DZIP1: variants seen among roughly 807,000 people sequenced by gnomAD.
DZIP1 encodes DAZ interacting zinc finger protein 1.
A neutral mutation model predicts 107.6 loss-of-function variants in DZIP1; 97 were observed. That is an observed-to-expected ratio of 0.90 (90% CI 0.77 to 1.07). The LOEUF (loss-of-function observed/expected upper bound fraction) is 1.07. Ranked by LOEUF, DZIP1 falls within the 50% of genes least tolerant of loss-of-function variation. DZIP1 has a pLI of 0.00. For missense variants in DZIP1, 1,035 were observed against 1,063.6 expected, an observed-to-expected ratio of 0.97 and a Z score of 0.37; for synonymous variants, 390 against 386.4, an observed-to-expected ratio of 1.01 and a Z score of -0.11.
In DZIP1 at chr13:95,609,555, C is replaced by T. The variant is rs376402358; in HGVS notation, c.1364-42G>A. 1.5e-5 allele frequency: 22 copies of T among 1,488,126 alleles called. No homozygotes were observed. In the East Asian group the frequency reaches 3.8e-4, roughly 26 times the overall value. 92.2% of individuals were successfully genotyped at this position (1,488,126 alleles called of 1,614,324 possible). ...ATAAATGAACAAAAAACATCACAAG[C>T]TATGGATTAAATTTTTGTAGCCCTT... On this transcript the variant is annotated intron_variant, in intron 12 of 22. Coordinates refer to ENST00000376829, the MANE Select transcript of DZIP1 (RefSeq NM_198968.4).
intron 16 of DZIP1, 38 bp from the exon 17 acceptor site, chr13:95,590,479 G>A (rs994922755): frequency 1.3e-6 from 2 of 1,569,122 alleles, no homozygotes; most frequent in Admixed American, 1.9e-5. Flanking sequence ...AGTTATCCTG[G>A]GAGGTTTCAT....
chr13:95,629,135 T>TG (rs1000282209), intron 7 of DZIP1, among the ~76,000 whole-genome samples: 1 of 152,202 alleles, frequency 6.6e-6, no homozygotes, highest in African/African-American at 2.4e-5. Flanking sequence ...GCTGTCCCCA[T>TG]GGGGGAAACA....
chr13:95,630,751 T>C (rs756345415), intron 6 of DZIP1: 99 of 1,284,406 alleles, frequency 7.7e-5, no homozygotes, highest in Non-Finnish European at 9.6e-5. Context: ...TGTACATGTG[T>C]CTGTGAGTGT....
At position 95,641,645 on chromosome 13, in the gene DZIP1, C is replaced by T; in HGVS notation, c.247G>A (p.Ala83Thr). 1 of 1,609,692 alleles carries T rather than the reference C, an allele frequency of 6.2e-7. No homozygotes were observed. The highest frequency in any genetic ancestry group is 8.5e-7 in the Non-Finnish European group (1 of 1,180,012). Reference sequence around the variant, plus strand: ...TCCTGCAGCGTCAGCACGTCCACAGCCCCCGCCACCTTGTCCACGTCGATG... The same window carrying T: ...TCCTGCAGCGTCAGCACGTCCACAGTCCCCGCCACCTTGTCCACGTCGATG... ...SAIDVDKVAG[A>T]VDVLTLQENI... Residue 83 changes from alanine to threonine, a missense_variant, in exon 5 of 23, where the codon GCT (alanine) becomes ACT (threonine). Coordinates refer to ENST00000376829, the MANE Select transcript of DZIP1 (RefSeq NM_198968.4). The surrounding 1 kb of genome is among the most constrained non-coding windows in gnomAD (Gnocchi z 4.3).
chr13:95,604,821 C>T (rs567744889), intron 14 of DZIP1, among the ~76,000 whole-genome samples: 15 of 152,136 alleles, frequency 9.9e-5, no homozygotes, highest in Admixed American at 2.0e-4. Flanking sequence ...TACAAAGGGA[C>T]GCAACAGAGA....
At chr13:95,640,458 C>T (rs1226141861) in intron 5 of DZIP1, among the ~76,000 whole-genome samples, 1 of 152,056 alleles carries the variant, frequency 6.6e-6, no homozygotes, top group Non-Finnish European at 1.5e-5. Context: ...CATAGTCAGC[C>T]GAAAGGACTA....
rs765074388 is a variant in DZIP1, at chr13:95,582,292, C to T, written c.2546G>A (p.Ser849Asn). The part of the protein sequence containing the change: ...KGEGLQENES[S>N]TLKSSLVTVT... ...AGTTACTAAGCTGCTTTTTAATGTGCTTGATTCATTTTCTTGAAGTCCTGT... is the reference window on the plus strand; with the variant it reads ...AGTTACTAAGCTGCTTTTTAATGTGTTTGATTCATTTTCTTGAAGTCCTGT... Residue 849 changes from serine (S) to asparagine (N), a missense_variant, in exon 23 of 23, where the codon AGC (serine) becomes AAC (asparagine). Transcript: ENST00000376829. The T allele has an allele frequency of 1.5e-5, 25 of 1,613,956 alleles. 1 individual carries two copies. Among genetic ancestry groups the T allele is most frequent in the Non-Finnish European group, 2.0e-5 (24 of 1,180,000 alleles).
rs1215278300 is a variant in DZIP1 at position 95,619,923 on chromosome 13, G to C, written c.1135C>G (p.Gln379Glu). The change falls in exon 10 of 23, where the codon CAA (glutamine) becomes GAA (glutamate). Residue 379 changes from glutamine (Q) to glutamate (E), a missense_variant. Physicochemically the swap from Gln to Glu is conservative, Grantham distance 29 (BLOSUM62 2). Coordinates refer to ENST00000376829, the MANE Select transcript of DZIP1 (RefSeq NM_198968.4). ...TTCTTGTGTTCTTGATGAATAGCTT[G>C]AACTCGAGCTGTCCATTTGCTTTCC... ...SQESKWTARVQAIHQEHKKEK... is the reference protein window; with the variant it reads ...SQESKWTARVEAIHQEHKKEK... 1 of 1,613,754 alleles carries C rather than the reference G, an allele frequency of 6.2e-7. No homozygotes were observed. The highest frequency in any genetic ancestry group is 8.5e-7 in the Non-Finnish European group (1 of 1,179,924).
At position 95,586,105 on chromosome 13, in the gene DZIP1, A is replaced by G. The variant is rs764615525; in HGVS notation, c.2250T>C (p.Val750=). ...GVAVKTPTEK[V]EKMFPHRKNV... is the part of the protein sequence containing the mutation. ...TTTTGCGATGTGGAAACATCTTTTC[A>G]ACTTTTTCAGTAGGTGTTTTAACGG... Residue 750 remains valine (V), a synonymous_variant, in exon 21 of 23, where the codon GTT becomes GTC. Coordinates refer to ENST00000376829, the MANE Select transcript of DZIP1 (RefSeq NM_198968.4). The G allele has an allele frequency of 3.1e-6, 5 of 1,611,746 alleles. No homozygotes were observed. In the African/African-American group the frequency reaches 6.7e-5, roughly 22 times the overall value.
rs2065011166 is a variant in DZIP1 at position 95,633,301 on chromosome 13, G to A, written c.618C>T (p.Ala206=). 2 of 1,614,138 alleles carry A rather than the reference G, an allele frequency of 1.2e-6. No individual in the cohort carries two copies. The highest frequency in any genetic ancestry group is 2.2e-5 in the East Asian group (1 of 44,884). Residue 206 remains alanine (A), a synonymous_variant, in exon 6 of 23, where the codon GCC becomes GCT. Coordinates refer to ENST00000376829, the MANE Select transcript of DZIP1 (RefSeq NM_198968.4). ...TTTGTAGAAAAGCTTGGTTCATAAA[G>A]GCCTTGTCACAAAAATGGCACTGAA... ...NYYQCHFCDK[A]FMNQAFLQSH...
rs139553238 is a variant in DZIP1 at position 95,589,806 on chromosome 13, G to A, written c.1970C>T (p.Pro657Leu). ...ATCTGAGGGCTGAAATACTCACTTT[G>A]GAACAGATGTCCTATCAGTAGAAAC... ...KAVSTDRTSV[P>L]KIKKNVMEDP... Residue 657 changes from proline (P) to leucine (L), a missense_variant, in exon 18 of 23, where the codon CCA becomes CTA. Coordinates refer to ENST00000376829, the MANE Select transcript of DZIP1 (RefSeq NM_198968.4). 524 of 1,613,136 alleles carry A rather than the reference G, an allele frequency of 3.2e-4. 3 individuals are homozygous for A. In the Middle Eastern group the frequency reaches 0.013, roughly 40 times the overall value.
intron 12 of DZIP1, among the ~76,000 whole-genome samples, chr13:95,610,109 T>TGAGAGAGA (rs1434649198): frequency 0.028 from 3,451 of 125,486 alleles, 157 homozygotes; most frequent in Middle Eastern, 0.052. Context: ...TGTGTGTGTG[T>TGAGAGAGA]GTGAGAGAGA....
intron 14 of DZIP1, among the ~76,000 whole-genome samples, chr13:95,603,498 C>T (rs1188258381): frequency 2.6e-5 from 4 of 152,048 alleles, no homozygotes; most frequent in African/African-American, 7.3e-5. Flanking sequence ...TTTGCATCCT[C>T]ACTGCACTCG....
At chr13:95,639,138 G>A (rs1040895489) in intron 5 of DZIP1, among the ~76,000 whole-genome samples, 5 of 152,176 alleles carry the variant, frequency 3.3e-5, no homozygotes, top group African/African-American at 9.7e-5. Flanking sequence ...ACTGCTATAT[G>A]GTAGGTACAA....
chr13:95,596,016 T>G (rs1418943451), intron 15 of DZIP1, among the ~76,000 whole-genome samples: 1 of 152,128 alleles, frequency 6.6e-6, no homozygotes, highest in Non-Finnish European at 1.5e-5. Flanking sequence ...TTTCCCCCTG[T>G]CCTCAAATTC....
chr13:95,622,550 G>A (rs1566411153), intron 8 of DZIP1, 70 bp from the exon 9 acceptor site: 2 of 1,576,118 alleles, frequency 1.3e-6, no homozygotes, highest in East Asian at 2.2e-5. Context: ...AATAAAATCA[G>A]GGAGCACATA....
chr13:95,641,885 G>C lies in DZIP1; in HGVS notation c.37-30C>G. 6.9e-7 allele frequency: 1 copy of C among 1,441,296 alleles called. No homozygotes were observed. The highest frequency in any genetic ancestry group is 9.1e-7 in the Non-Finnish European group (1 of 1,102,994). The allele number at this position is 1,441,296 out of a possible 1,614,324, so 89.3% of individuals were successfully genotyped here. On this transcript the variant is annotated intron_variant, in intron 4 of 22. Transcript: ENST00000376829. This position sits in a 1 kb window ranked among gnomAD's most constrained non-coding sequence, Gnocchi z 4.3. ...GGGGGGCACAAAGAGAGCGCGGCGGGAGGCGGGGATGGGGGGCGGGCAGGC... is the reference window on the plus strand; with the variant it reads ...GGGGGGCACAAAGAGAGCGCGGCGGCAGGCGGGGATGGGGGGCGGGCAGGC...
In DZIP1 at chr13:95,612,097, T is replaced by C. The variant is rs2045029200; in HGVS notation, c.1254A>G (p.Ile418Met). 4 of 1,613,712 alleles carry C rather than the reference T, an allele frequency of 2.5e-6. No homozygotes were observed. The highest frequency in any genetic ancestry group is 3.4e-6 in the Non-Finnish European group (4 of 1,180,028). ...NASNVFYKKR[I>M]EELGQRLQEQ... ...CCTGGAGTCTCTGCCCTAGCTCTTC[T>C]ATCCTTTTCTTATAGAAAACATTGC... The change falls in exon 11 of 23, where the codon ATA becomes ATG. Residue 418 changes from isoleucine (I) to methionine (M), a missense_variant. Transcript: ENST00000376829.
intron 9 of DZIP1, among the ~76,000 whole-genome samples, chr13:95,621,170 A>C (rs1429344094): frequency 6.6e-6 from 1 of 152,210 alleles, no homozygotes; most frequent in Non-Finnish European, 1.5e-5. Context: ...AATGAGTAAA[A>C]GACAGGTCCC....
Sources: allele counts gnomAD v4.1 joint callset (sites outside exome capture counted in the v4.1 genomes callset), GRCh38; gene constraint gnomAD v4.1.1; non-coding constraint Gnocchi (gnomAD v3.1); transcripts MANE v1.5; gene names NCBI Gene and HGNC (gene_info 2026-07-23, HGNC 2026-07-21).